Variants in C16orf54 observed in about 807,000 individuals in gnomAD.
C16orf54 encodes transmembrane protein C16orf54.
Under a neutral mutation model 3.9 loss-of-function variants are expected in C16orf54, and 2 were observed. That is an observed-to-expected ratio of 0.52 (90% CI 0.21 to 1.63). The LOEUF (loss-of-function observed/expected upper bound fraction) is 1.63, where lower values mean the gene tolerates loss of function less well. Ranked by LOEUF, C16orf54 falls within the 40% of genes most tolerant of loss-of-function variation. The pLI is 0.21. For missense variants in C16orf54, 272 were observed against 326.3 expected (o/e 0.83, Z 1.28); for synonymous variants, 128 against 135.1 (o/e 0.95, Z 0.37).
At position 29,744,865 on chromosome 16, in the gene C16orf54, C is replaced by A; in HGVS notation, c.87G>T (p.Gly29=). 1 of 1,478,044 alleles carries A rather than the reference C, an allele frequency of 6.8e-7. No individual in the cohort carries two copies. The highest frequency in any genetic ancestry group is 1.5e-5 in the South Asian group (1 of 68,422). 91.6% of individuals were successfully genotyped at this position (1,478,044 alleles called of 1,614,324 possible). Residue 29 remains glycine (G), a synonymous_variant, in exon 2 of 2, where the codon GGG becomes GGT. Coordinates refer to ENST00000329410, the MANE Select transcript of C16orf54 (RefSeq NM_175900.4). This position sits in a 1 kb window ranked among gnomAD's most constrained non-coding sequence, Gnocchi z 7.1. ...GGACCAGCATGATGGGGATGCAGGG[C>A]CCACAGGGCAGTGAGGGCCATGGGG... ...EAAPWPSLPC[G]PCIPIMLVLA... is the part of the protein sequence containing the mutation.
rs763508571 is a variant in C16orf54, at chr16:29,744,809, G to A, written c.143C>T (p.Thr48Ile). ...LATLAALFILTTAVLAERLFR... is the reference protein window; with the variant it reads ...LATLAALFILITAVLAERLFR... ...CAGGCGTTCAGCCAACACAGCGGTG[G>A]TGAGGATGAAGAGCGCAGCCAGGGT... Residue 48 changes from threonine to isoleucine, a missense_variant, in exon 2 of 2, where the codon ACC becomes ATC. Coordinates refer to ENST00000329410, the MANE Select transcript of C16orf54 (RefSeq NM_175900.4). The surrounding 1 kb of genome is among the most constrained non-coding windows in gnomAD (Gnocchi z 7.1). The A allele has an allele frequency of 6.8e-7, 1 of 1,473,920 alleles. No individual in the cohort carries two copies. Among genetic ancestry groups the A allele is most frequent in the Non-Finnish European group, 9.0e-7 (1 of 1,116,474 alleles). The allele number at this position is 1,473,920 out of a possible 1,614,324, so 91.3% of individuals were successfully genotyped here. A position where few individuals can be genotyped will look rare whatever the true frequency, so the allele number is the denominator to read the frequency against.
In C16orf54 at chr16:29,744,133, G is replaced by A. The variant is rs1057422787; in HGVS notation, c.*144C>T. ...GTCCACATAGCCTGGCCACCACCCA[G>A]ACCCGGGGAGGGGGACTCCAGGTGG... On this transcript the variant is annotated 3_prime_UTR_variant, in exon 2 of 2. Coordinates refer to ENST00000329410, the MANE Select transcript of C16orf54 (RefSeq NM_175900.4). The surrounding 1 kb of genome is among the most constrained non-coding windows in gnomAD (Gnocchi z 7.1). 20 of 786,764 alleles carry A rather than the reference G, an allele frequency of 2.5e-5. No individual in the cohort carries two copies. In the East Asian group the frequency reaches 4.5e-4, roughly 18 times the overall value. 48.7% of individuals were successfully genotyped at this position (786,764 alleles called of 1,614,324 possible). A position where few individuals can be genotyped will look rare whatever the true frequency, so the allele number is the denominator to read the frequency against.
chr16:29,744,147 G>C lies in C16orf54; in HGVS notation c.*130C>G. On this transcript the variant is annotated 3_prime_UTR_variant, in exon 2 of 2. Transcript: ENST00000329410. The surrounding 1 kb of genome is among the most constrained non-coding windows in gnomAD (Gnocchi z 7.1). ...GCCACCACCCAGACCCGGGGAGGGG[G>C]ACTCCAGGTGGAAGGAGCCTGGGAA... The C allele has an allele frequency of 1.2e-6, 1 of 852,278 alleles. No individual in the cohort carries two copies. Among genetic ancestry groups the C allele is most frequent in the East Asian group, 2.7e-5 (1 of 37,502 alleles). The allele number at this position is 852,278 out of a possible 1,614,324, so 52.8% of individuals were successfully genotyped here.
At chr16:29,745,628 T>TGCGTGTGTCTCCCCC (rs1968126683) in intron 1 of C16orf54, among the ~76,000 whole-genome samples, 1 of 152,152 alleles carries the variant, frequency 6.6e-6, no homozygotes, top group South Asian at 2.1e-4. Flanking sequence ...CTGGCTCCCC[T>TGCGTGTGTCTCCCCC]GCGTGTGTCT....
chr16:29,743,275 A>AAC lies in C16orf54; in HGVS notation c.*1001_*1002insGT, dbSNP rs1968086483. The AAC allele has an allele frequency of 6.7e-6, 1 of 148,592 alleles. No individual in the cohort carries two copies. Among genetic ancestry groups the AAC allele is most frequent in the Admixed American group, 6.7e-5 (1 of 14,884 alleles). The allele number at this position is 148,592 out of a possible 1,614,324, so 9.2% of individuals were successfully genotyped here. On this transcript the variant is annotated 3_prime_UTR_variant, in exon 2 of 2. Coordinates refer to ENST00000329410, the MANE Select transcript of C16orf54 (RefSeq NM_175900.4). ...AAAAAAAAAAAAAAAAAAAAAAAAA[A>AAC]GACAAAGTTTGGAAAATTAAACCCC...
At position 29,744,867 on chromosome 16, in the gene C16orf54, C is replaced by A. The variant is rs1487227153; in HGVS notation, c.85G>T (p.Gly29Trp). ...EAAPWPSLPC[G>W]PCIPIMLVLA... ...ACCAGCATGATGGGGATGCAGGGCCCACAGGGCAGTGAGGGCCATGGGGCT... is the reference window on the plus strand; with the variant it reads ...ACCAGCATGATGGGGATGCAGGGCCAACAGGGCAGTGAGGGCCATGGGGCT... Residue 29 changes from glycine to tryptophan, a missense_variant, in exon 2 of 2, where the codon GGG (glycine) becomes TGG (tryptophan). Coordinates refer to ENST00000329410, the MANE Select transcript of C16orf54 (RefSeq NM_175900.4). The surrounding 1 kb of genome is among the most constrained non-coding windows in gnomAD (Gnocchi z 7.1). 7 of 1,479,364 alleles carry A rather than the reference C, an allele frequency of 4.7e-6. No homozygotes were observed. The East Asian group carries it at 1.8e-4, about 37-fold the overall frequency. 91.6% of individuals were successfully genotyped at this position (1,479,364 alleles called of 1,614,324 possible). A position where few individuals can be genotyped will look rare whatever the true frequency, so the allele number is the denominator to read the frequency against.
chr16:29,744,649 G>A lies in C16orf54; in HGVS notation c.303C>T (p.Pro101=). Residue 101 remains proline (P), a synonymous_variant, in exon 2 of 2, where the codon CCC becomes CCT. Transcript: ENST00000329410. This position sits in a 1 kb window ranked among gnomAD's most constrained non-coding sequence, Gnocchi z 7.1. ...GCTCAGGGGCCCGATCTGTCAGCAGGGGGACCGCAGAGCCATACCAGTCCT... is the reference window on the plus strand; with the variant it reads ...GCTCAGGGGCCCGATCTGTCAGCAGAGGGACCGCAGAGCCATACCAGTCCT... ...RSEDWYGSAV[P]LLTDRAPEPP... The A allele has an allele frequency of 6.8e-7, 1 of 1,472,106 alleles. No homozygotes were observed. Among genetic ancestry groups the A allele is most frequent in the African/African-American group, 1.4e-5 (1 of 70,370 alleles). 91.2% of individuals were successfully genotyped at this position (1,472,106 alleles called of 1,614,324 possible).
At chr16:29,745,772 G>A (rs528484607) in intron 1 of C16orf54, 139 bp downstream of exon 1, 7 of 153,154 alleles carry the variant, frequency 4.6e-5, no homozygotes, top group Non-Finnish European at 7.3e-5. Flanking sequence ...CCAGGCCTCC[G>A]GAGGCGCCTC....
chr16:29,744,746 G>A lies in C16orf54; in HGVS notation c.206C>T (p.Ala69Val). 1 of 1,462,254 alleles carries A rather than the reference G, an allele frequency of 6.8e-7. No homozygotes were observed. Among genetic ancestry groups the A allele is most frequent in the Non-Finnish European group, 9.0e-7 (1 of 1,108,248 alleles). 90.6% of individuals were successfully genotyped at this position (1,462,254 alleles called of 1,614,324 possible). ...RALRPDPSHR[A>V]PTLVWRPGGE... Reference sequence around the variant, plus strand: ...TCCTGGGCGCCACACCAGGGTGGGTGCACGGTGGCTGGGGTCTGGGCGGAG... The same window carrying A: ...TCCTGGGCGCCACACCAGGGTGGGTACACGGTGGCTGGGGTCTGGGCGGAG... The change falls in exon 2 of 2, where the codon GCA becomes GTA. Residue 69 changes from alanine (A) to valine (V), a missense_variant. Ala to Val is a moderately conservative substitution (Grantham distance 64). Transcript: ENST00000329410. This position sits in a 1 kb window ranked among gnomAD's most constrained non-coding sequence, Gnocchi z 7.1.
In C16orf54 at chr16:29,743,906, C is replaced by T. The variant is rs112368680; in HGVS notation, c.*371G>A. 4,176 of 286,630 alleles carry T rather than the reference C, an allele frequency of 0.015. 160 individuals are homozygous for T. The highest frequency in any genetic ancestry group is 0.084 in the African/African-American group (3,691 of 43,748). 17.8% of individuals were successfully genotyped at this position (286,630 alleles called of 1,614,324 possible). On this transcript the variant is annotated 3_prime_UTR_variant, in exon 2 of 2. Coordinates refer to ENST00000329410, the MANE Select transcript of C16orf54 (RefSeq NM_175900.4). The stretch of plus-strand genomic sequence containing the variant: ...CGAGGCTGTTCAGCACCGCAGGACC[C>T]GTTCTCTTTGGTATTGGTGGCTTCG...
At chr16:29,745,832 A>G (rs569425279) in intron 1 of C16orf54, 79 bp downstream of exon 1, 53 of 152,456 alleles carry the variant, frequency 3.5e-4, no homozygotes, top group African/African-American at 1.2e-3. Flanking sequence ...GCCTGTCTCT[A>G]TCTCTCGTTT....
chr16:29,745,069 A>G, intron 1 of C16orf54, 118 bp from the exon 2 acceptor site: 2 of 1,127,068 alleles, frequency 1.8e-6, no homozygotes, highest in Non-Finnish European at 2.3e-6. Context: ...ATGGGGGCTC[A>G]TGCCTGGAAT....
rs1968111617 is a variant in C16orf54 at position 29,744,557 on chromosome 16, G to C, written c.395C>G (p.Ser132Cys). ...TAPPAPSAPN[S>C]APSNLGPQTV... ...CTGGGGGCCCAAGTTGCTGGGAGCA[G>C]AATTTGGGGCTGAGGGGGCAGGTGG... Residue 132 changes from serine (S) to cysteine (C), a missense_variant, in exon 2 of 2, where the codon TCT becomes TGT. Coordinates refer to ENST00000329410, the MANE Select transcript of C16orf54 (RefSeq NM_175900.4). This position sits in a 1 kb window ranked among gnomAD's most constrained non-coding sequence, Gnocchi z 7.1. The C allele has an allele frequency of 1.3e-6, 2 of 1,490,766 alleles. No homozygotes were observed. Among genetic ancestry groups the C allele is most frequent in the Admixed American group, 2.7e-5 (1 of 37,492 alleles). 92.3% of individuals were successfully genotyped at this position (1,490,766 alleles called of 1,614,324 possible). A position where few individuals can be genotyped will look rare whatever the true frequency, so the allele number is the denominator to read the frequency against.
At position 29,742,584 on chromosome 16, in the gene C16orf54, T is replaced by G. The variant is rs189689748; in HGVS notation, c.*1693A>C. 1 of 152,318 alleles carries G rather than the reference T, an allele frequency of 6.6e-6. No homozygotes were observed. The highest frequency in any genetic ancestry group is 1.9e-4 in the East Asian group (1 of 5,190). The allele number at this position is 152,318 out of a possible 1,614,324, so 9.4% of individuals were successfully genotyped here. A position where few individuals can be genotyped will look rare whatever the true frequency, so the allele number is the denominator to read the frequency against. On this transcript the variant is annotated 3_prime_UTR_variant, in exon 2 of 2. Transcript: ENST00000329410. The stretch of plus-strand genomic sequence containing the variant: ...TGCAATAATTTCATTAAGTGAATAA[T>G]GAGCCAATTTAAAGAAAAATATAAA...
At position 29,743,770 on chromosome 16, in the gene C16orf54, T is replaced by C. The variant is rs1968099192; in HGVS notation, c.*507A>G. 1.2e-5 allele frequency: 2 copies of C among 160,194 alleles called. No homozygotes were observed. Among genetic ancestry groups the C allele is most frequent in the African/African-American group, 2.4e-5 (1 of 41,510 alleles). The allele number at this position is 160,194 out of a possible 1,614,324, so 9.9% of individuals were successfully genotyped here. ...TCCTCTGCCTGGTCTGGTCCTCTCT[T>C]TGTGTATTTTCCTAGAGGACCTCAC... On this transcript the variant is annotated 3_prime_UTR_variant, in exon 2 of 2. Transcript: ENST00000329410.
In C16orf54 at chr16:29,744,179, C is replaced by G. The variant is rs1968104195; in HGVS notation, c.*98G>C. 8.8e-7 allele frequency: 1 copy of G among 1,140,214 alleles called. No individual in the cohort carries two copies. Among genetic ancestry groups the G allele is most frequent in the Admixed American group, 2.4e-5 (1 of 42,136 alleles). The allele number at this position is 1,140,214 out of a possible 1,614,324, so 70.6% of individuals were successfully genotyped here. ...GGTGGAAGGAGCCTGGGAAGGGCAT[C>G]TTCGCTGGGGCAGTCTCAATCCTAA... On this transcript the variant is annotated 3_prime_UTR_variant, in exon 2 of 2. Coordinates refer to ENST00000329410, the MANE Select transcript of C16orf54 (RefSeq NM_175900.4). This position sits in a 1 kb window ranked among gnomAD's most constrained non-coding sequence, Gnocchi z 7.1.
Position 29,743,933 on chromosome 16 carries a change from T to G in C16orf54, c.*344A>C. ...TTCTCTTTGGTATTGGTGGCTTCGG[T>G]AAACACTGAAAGAAGGTGGAGGTGG... On this transcript the variant is annotated 3_prime_UTR_variant, in exon 2 of 2. Coordinates refer to ENST00000329410, the MANE Select transcript of C16orf54 (RefSeq NM_175900.4). The G allele has an allele frequency of 2.9e-6, 1 of 343,002 alleles. No individual in the cohort carries two copies. The allele number at this position is 343,002 out of a possible 1,614,324, so 21.2% of individuals were successfully genotyped here.
intron 1 of C16orf54, among the ~76,000 whole-genome samples, chr16:29,745,548 C>T (rs191363035): frequency 3.3e-5 from 5 of 152,222 alleles, no homozygotes; most frequent in African/African-American, 9.6e-5. Flanking sequence ...CCTCCCCACT[C>T]GGCCCCCTCA....
At position 29,744,975 on chromosome 16, in the gene C16orf54, A is replaced by G; in HGVS notation, c.1-24T>C. The G allele has an allele frequency of 7.1e-7, 1 of 1,404,126 alleles. No individual in the cohort carries two copies. The highest frequency in any genetic ancestry group is 9.3e-7 in the Non-Finnish European group (1 of 1,080,222). 87.0% of individuals were successfully genotyped at this position (1,404,126 alleles called of 1,614,324 possible). On this transcript the variant is annotated intron_variant, in intron 1 of 1. Transcript: ENST00000329410. The surrounding 1 kb of genome is among the most constrained non-coding windows in gnomAD (Gnocchi z 7.1). ...ATCTGAGAGACACAGGGGTGAGAAG[A>G]GGAAGTAAATGAGGCAGAGGGGGCA...
Sources: gnomAD v4.1 joint callset for allele counts (sites outside exome capture counted in the v4.1 genomes callset) on GRCh38, gnomAD v4.1.1 for gene constraint, Gnocchi (gnomAD v3.1) non-coding constraint, MANE v1.5 for transcripts, NCBI Gene and HGNC (gene_info 2026-07-23, HGNC 2026-07-21) for gene names.